Variants in PGM5 observed in about 807,000 individuals in gnomAD.
PGM5 encodes phosphoglucomutase 5.
Under a neutral mutation model 59.2 loss-of-function variants are expected in PGM5, and 23 were observed. The observed-to-expected ratio is 0.39, with a 90% CI of 0.28 to 0.55. The LOEUF is 0.55. Ranked by LOEUF, PGM5 falls within the 20% of genes least tolerant of loss-of-function variation. PGM5 has a pLI of 0.66. For missense variants in PGM5, 574 were observed against 748.3 expected, an observed-to-expected ratio of 0.77 and a Z score of 2.72; for synonymous variants, 214 against 286.0, an observed-to-expected ratio of 0.75 and a Z score of 2.54.
At chr9:68,456,993 T>G (rs1823789893) in intron 6 of PGM5, among the ~76,000 whole-genome samples, 1 of 152,178 alleles carries the variant, frequency 6.6e-6, no homozygotes, top group Non-Finnish European at 1.5e-5. Context: ...TAATTTTCAT[T>G]TCCCTGATTT....
At chr9:68,441,805 A>C (rs1270776772) in intron 6 of PGM5, among the ~76,000 whole-genome samples, 1 of 152,202 alleles carries the variant, frequency 6.6e-6, no homozygotes, top group Non-Finnish European at 1.5e-5. Flanking sequence ...AGGAAAAAAA[A>C]TATGGATTCT....
At chr9:68,407,982 T>G (rs1167617366) in intron 6 of PGM5, among the ~76,000 whole-genome samples, 6 of 152,266 alleles carry the variant, frequency 3.9e-5, no homozygotes, top group African/African-American at 1.4e-4. Flanking sequence ...GCTGTTTTTT[T>G]GCTTTCATAA....
Position 68,483,954 on chromosome 9 carries a change from A to G in PGM5, c.1385A>G (p.Gln462Arg). 1 of 1,614,168 alleles carries G rather than the reference A, an allele frequency of 6.2e-7. No homozygotes were observed. Among genetic ancestry groups the G allele is most frequent in the Non-Finnish European group, 8.5e-7 (1 of 1,180,020 alleles). The change falls in exon 9 of 11, where the codon CAG (glutamine) becomes CGG (arginine). Residue 462 changes from glutamine to arginine, a missense_variant. By Grantham distance (43) the Gln-to-Arg change is conservative (BLOSUM62 1). This residue lies in a region of PGM5 where 300 missense variants were observed against 280.0 expected (regional missense o/e 1.07). Transcript: ENST00000396396. Reference sequence around the variant, plus strand: ...GTCACAGACAAATCCTTCATTGGCCAGCAGTTTGCTGTGGGGAGCCATGTC... The same window carrying G: ...GTCACAGACAAATCCTTCATTGGCCGGCAGTTTGCTGTGGGGAGCCATGTC... ...ALVTDKSFIG[Q>R]QFAVGSHVYS...
intron 10 of PGM5, among the ~76,000 whole-genome samples, chr9:68,510,335 T>G (rs1178664443): frequency 1.3e-5 from 2 of 151,932 alleles, no homozygotes; most frequent in African/African-American, 4.8e-5. Flanking sequence ...GTATTTTTAG[T>G]AGAGATGGGC....
intron 10 of PGM5, among the ~76,000 whole-genome samples, chr9:68,502,302 G>A (rs990055690): frequency 6.6e-6 from 1 of 152,092 alleles, no homozygotes; most frequent in Non-Finnish European, 1.5e-5. Context: ...AAACCAGCTG[G>A]TAATCATTTG....
At chr9:68,489,531 T>C (rs1824354102) in intron 9 of PGM5, among the ~76,000 whole-genome samples, 1 of 151,228 alleles carries the variant, frequency 6.6e-6, no homozygotes, top group African/African-American at 2.4e-5. Flanking sequence ...AGTGGTGTGA[T>C]CTTGGCTCAC....
At chr9:68,448,805 C>T (rs1296753570) in intron 6 of PGM5, among the ~76,000 whole-genome samples, 2 of 152,142 alleles carry the variant, frequency 1.3e-5, no homozygotes, top group Non-Finnish European at 2.9e-5. Flanking sequence ...CAGGGGACAG[C>T]ATAGTGTGAA....
rs574652474 is a variant in PGM5 at position 68,486,655 on chromosome 9, C to T, written c.1479+2607C>T. Among the ~76,000 whole-genome samples the T allele has an allele frequency of 3.9e-5, 6 of 152,288 alleles. No individual in the cohort carries two copies. The South Asian group carries it at 1.2e-3, about 32-fold the overall frequency. On this transcript the variant is annotated intron_variant, in intron 9 of 10. Transcript: ENST00000396396. ...AGTAATATTCTATCACGTGGATGTACCACAGTTTGTTTATCCATCCATTTG... is the reference window on the plus strand; with the variant it reads ...AGTAATATTCTATCACGTGGATGTATCACAGTTTGTTTATCCATCCATTTG...
intron 2 of PGM5, among the ~76,000 whole-genome samples, chr9:68,381,989 T>C (rs1822088873): frequency 6.6e-6 from 1 of 151,946 alleles, no homozygotes; most frequent in African/African-American, 2.4e-5. Flanking sequence ...ACACAACCCC[T>C]ATCAAAATTT....
At chr9:68,409,842 A>G (rs1414300877) in intron 6 of PGM5, among the ~76,000 whole-genome samples, 2 of 148,182 alleles carry the variant, frequency 1.3e-5, no homozygotes, top group Admixed American at 1.4e-4. Context: ...AACCTGCACA[A>G]TGTGCATATG....
chr9:68,529,779 T>G lies in PGM5; in HGVS notation c.*123T>G. On this transcript the variant is annotated 3_prime_UTR_variant, in exon 11 of 11. Coordinates refer to ENST00000396396, the MANE Select transcript of PGM5 (RefSeq NM_021965.4). ...GGAAAAACAAAAGATATTTTGCTTT[T>G]GGGGGATAGAGGGTGGGTGGGAAAA... 1.1e-4 allele frequency: 40 copies of G among 357,484 alleles called. No homozygotes were observed. Among genetic ancestry groups the G allele is most frequent in the East Asian group, 4.5e-4 (5 of 11,036 alleles). The allele number at this position is 357,484 out of a possible 1,614,324, so 22.1% of individuals were successfully genotyped here. A position where few individuals can be genotyped will look rare whatever the true frequency, so the allele number is the denominator to read the frequency against.
At chr9:68,435,258 T>C (rs1406441411) in intron 6 of PGM5, among the ~76,000 whole-genome samples, 2 of 152,252 alleles carry the variant, frequency 1.3e-5, no homozygotes, top group East Asian at 3.8e-4. Context: ...TTTTAACAGC[T>C]TTATTGAGAT....
intron 10 of PGM5, among the ~76,000 whole-genome samples, chr9:68,520,312 A>T (rs1224077653): frequency 6.6e-6 from 1 of 152,066 alleles, no homozygotes; most frequent in Admixed American, 6.6e-5. Flanking sequence ...CCAGGAAGAC[A>T]CAGTAGTTTT....
intron 6 of PGM5, among the ~76,000 whole-genome samples, chr9:68,419,091 A>T (rs530915522): frequency 1.6e-4 from 25 of 152,312 alleles, no homozygotes; most frequent in African/African-American, 6.0e-4. Context: ...GAAAAATCAG[A>T]TCAAAGAAAT....
At chr9:68,369,903 C>T (rs575325705) in intron 1 of PGM5, among the ~76,000 whole-genome samples, 2 of 152,186 alleles carry the variant, frequency 1.3e-5, no homozygotes, top group South Asian at 4.2e-4. Context: ...TTTGGATAAC[C>T]ACATTCATGC....
At chr9:68,418,991 A>C (rs540438238) in intron 6 of PGM5, among the ~76,000 whole-genome samples, 1 of 152,168 alleles carries the variant, frequency 6.6e-6, no homozygotes, top group African/African-American at 2.4e-5. Context: ...CCCGTTTCAA[A>C]ATGGCTGGAA....
chr9:68,484,114 T>C (rs1196719657), intron 9 of PGM5, 66 bp downstream of exon 9: 6 of 1,384,336 alleles, frequency 4.3e-6, no homozygotes, highest in Non-Finnish European at 6.1e-6. Flanking sequence ...GTCCTAGAAC[T>C]GGAGAGGTCC....
intron 7 of PGM5, among the ~76,000 whole-genome samples, chr9:68,475,208 T>G (rs7025930): frequency 1.4e-5 from 2 of 143,166 alleles, no homozygotes; most frequent in Admixed American, 7.0e-5. Flanking sequence ...TTTTTTTTTG[T>G]ATTTTTAGTA....
chr9:68,358,730 T>C (rs1321179610), intron 1 of PGM5, among the ~76,000 whole-genome samples: 2 of 151,760 alleles, frequency 1.3e-5, no homozygotes, highest in Non-Finnish European at 2.9e-5. Flanking sequence ...CTTCTCGGTG[T>C]TGCAGGGATG....
Sources: allele counts gnomAD v4.1 joint callset (sites outside exome capture counted in the v4.1 genomes callset), GRCh38; gene constraint gnomAD v4.1.1; regional missense constraint gnomAD v4.1.1; transcripts MANE v1.5; gene names NCBI Gene and HGNC (gene_info 2026-07-23, HGNC 2026-07-21).